Variants in NAV1 observed in about 807,000 individuals in gnomAD.
NAV1 encodes the protein neuron navigator 1.
In NAV1, 18 loss-of-function variants were observed where a neutral mutation model predicts 175.2. The observed-to-expected ratio is 0.10, with a 90% CI of 0.07 to 0.15. The LOEUF is 0.15. NAV1 is among the 10% of genes least tolerant of loss of function. The probability of loss-of-function intolerance (pLI) is 1.00; values close to 1 mark genes in which losing one functional copy is unlikely to be tolerated. For synonymous variants in NAV1, 897 were observed against 978.7 expected, an observed-to-expected ratio of 0.92 and a Z score of 1.56; for missense variants, 1,731 against 2,436.6, an observed-to-expected ratio of 0.71 and a Z score of 6.10.
chr1:201,810,242 T>TA lies in NAV1; in HGVS notation c.4561+142dup. 7.9e-7 allele frequency: 1 copy of TA among 1,267,174 alleles called. No individual in the cohort carries two copies. Among genetic ancestry groups the TA allele is most frequent in the Non-Finnish European group, 1.1e-6 (1 of 926,676 alleles). 78.5% of individuals were successfully genotyped at this position (1,267,174 alleles called of 1,614,324 possible). The stretch of plus-strand genomic sequence containing the variant: ...GAAGATGCTTAAGTAATGTGAGATA[T>TA]AAAAAGATGAGTAAGACCCAGTCCT... On this transcript the variant is annotated intron_variant, in intron 23 of 29. Coordinates refer to ENST00000367296, the Ensembl canonical transcript of NAV1. This position sits in a 1 kb window ranked among gnomAD's most constrained non-coding sequence, Gnocchi z 6.0.
At chr1:201,656,352 A>G (rs1465037200) in intron 1 of NAV1, among the ~76,000 whole-genome samples, 1 of 152,212 alleles carries the variant, frequency 6.6e-6, no homozygotes, top group Admixed American at 6.5e-5. Flanking sequence ...AAGCCCCAGT[A>G]TGCTGTGTGT....
intron 1 of NAV1, among the ~76,000 whole-genome samples, chr1:201,663,452 A>C (rs1669692995): frequency 6.6e-6 from 1 of 152,218 alleles, no homozygotes; most frequent in Non-Finnish European, 1.5e-5. Context: ...ATGAAGATTC[A>C]GGCCTGACCT....
At chr1:201,798,209 G>GTAT (rs1022002311) in intron 15 of NAV1, 1 of 152,082 alleles carries the variant, frequency 6.6e-6, no homozygotes, top group Non-Finnish European at 1.5e-5. Context: ...TCCCTCTTCT[G>GTAT]TATTGTCACT....
At chr1:201,617,245 T>C (rs879047881) in intron 2 of NAV1, among the ~76,000 whole-genome samples, 1 of 151,166 alleles carries the variant, frequency 6.6e-6, no homozygotes, top group Admixed American at 6.6e-5. Flanking sequence ...TCTCTCTGTC[T>C]GTCACACACA....
intron 2 of NAV1, among the ~76,000 whole-genome samples, chr1:201,630,190 C>T (rs192810721): frequency 2.6e-4 from 39 of 152,262 alleles, no homozygotes; most frequent in Non-Finnish European, 4.4e-4. Context: ...GCAGCACTTA[C>T]GGACGTGTGC....
intron 1 of NAV1, among the ~76,000 whole-genome samples, chr1:201,706,248 A>C (rs975254539): frequency 3.0e-5 from 4 of 131,706 alleles, no homozygotes; most frequent in African/African-American, 1.2e-4. Context: ...GGAGTTATTA[A>C]GAAGGGGTGT....
intron 13 of NAV1, 152 bp from the exon 18 acceptor site, chr1:201,793,640 G>T (rs778107645): frequency 6.0e-6 from 4 of 662,382 alleles, no homozygotes; most frequent in Non-Finnish European, 1.0e-5. Flanking sequence ...TGTCTGCTCA[G>T]GAAAATCAAT....
At position 201,788,686 on chromosome 1, in the gene NAV1, G is replaced by A. The variant is rs1241965060; in HGVS notation, c.3166+48G>A. On this transcript the variant is annotated intron_variant, in intron 10 of 29. Transcript: ENST00000367296. This position sits in a 1 kb window ranked among gnomAD's most constrained non-coding sequence, Gnocchi z 5.7. The stretch of plus-strand genomic sequence containing the variant: ...TTCACGCTCATTCCAGCTCTGCTGG[G>A]TCCCCTCACCCACCACCTCCACTCC... The A allele has an allele frequency of 2.0e-6, 3 of 1,538,048 alleles. No individual in the cohort carries two copies. Among genetic ancestry groups the A allele is most frequent in the South Asian group, 1.2e-5 (1 of 81,782 alleles).
chr1:201,773,628 G>A (rs633367), intron 3 of NAV1, among the ~76,000 whole-genome samples: 74,375 of 151,980 alleles, frequency 0.49, 18,871 homozygotes, highest in African/African-American at 0.63. Context: ...AGGAGGGGGA[G>A]GAAAAAGGAG....
chr1:201,549,596 A>G (rs556073811), intron 1 of NAV1, among the ~76,000 whole-genome samples: 2 of 151,910 alleles, frequency 1.3e-5, no homozygotes, highest in African/African-American at 4.8e-5. Context: ...AATAATATTT[A>G]TGTAGTCATG....
intron 1 of NAV1, among the ~76,000 whole-genome samples, chr1:201,577,425 A>G (rs990464372): frequency 4.0e-5 from 6 of 151,454 alleles, no homozygotes; most frequent in Non-Finnish European, 8.8e-5. Flanking sequence ...TCGCATTTAA[A>G]CACACAATCC....
At chr1:201,588,461 C>T (rs190208960) in intron 1 of NAV1, among the ~76,000 whole-genome samples, 78 bp from the exon 2 acceptor site, 66 of 152,152 alleles carry the variant, frequency 4.3e-4, no homozygotes, top group African/African-American at 1.6e-3. Context: ...GATCCTCCCA[C>T]CTCAGCTTCC....
chr1:201,560,575 A>G (rs1666168359), intron 1 of NAV1, among the ~76,000 whole-genome samples: 1 of 152,218 alleles, frequency 6.6e-6, no homozygotes, highest in Non-Finnish European at 1.5e-5. Flanking sequence ...GGAATTGGCA[A>G]TGGACCCTAG....
chr1:201,629,583 T>A, intron 2 of NAV1, 76 bp downstream of exon 4: 2 of 967,606 alleles, frequency 2.1e-6, no homozygotes, highest in Non-Finnish European at 2.8e-6. Context: ...GAAGAAGAAG[T>A]GACCTAGGCT....
intron 1 of NAV1, among the ~76,000 whole-genome samples, chr1:201,660,712 A>G (rs1374683955): frequency 6.6e-6 from 1 of 152,246 alleles, no homozygotes; most frequent in Non-Finnish European, 1.5e-5. Flanking sequence ...CAGCTGTGCT[A>G]GCGCTTTGTT....
exon 30 of NAV1, chr1:201,826,672 C>CTA (rs974584786): frequency 9.2e-5 from 14 of 152,232 alleles, no homozygotes; most frequent in African/African-American, 3.4e-4. Context: ...CTCTTTCAAC[C>CTA]TACCCCCTTT....
In NAV1 at chr1:201,794,453, ATT is replaced by A. The variant is rs1260194978; in HGVS notation, c.3406-11_3406-10del. The A allele has an allele frequency of 1.2e-6, 2 of 1,608,944 alleles. No homozygotes were observed. Among genetic ancestry groups the A allele is most frequent in the Non-Finnish European group, 1.7e-6 (2 of 1,178,114 alleles). ...ACCGTGCCCAGCCAACGCTATTTTC[ATT>A]TCTCTCTTAGGACACTGAGCTGCTG... is the stretch of plus-strand genomic sequence containing the variant. On this transcript the variant is annotated splice_polypyrimidine_tract_variant and intron_variant, in intron 14 of 29. Transcript: ENST00000367296.
intron 1 of NAV1, among the ~76,000 whole-genome samples, chr1:201,695,430 T>C (rs1671149727): frequency 6.6e-6 from 1 of 152,220 alleles, no homozygotes; most frequent in Admixed American, 6.5e-5. Context: ...CCATGCTGGG[T>C]TCTTCCCAGA....
chr1:201,680,735 G>A (rs538826358), intron 1 of NAV1, among the ~76,000 whole-genome samples: 5 of 152,150 alleles, frequency 3.3e-5, no homozygotes, highest in Admixed American at 2.6e-4. Flanking sequence ...TTTTTATTTT[G>A]TTGCTCAAAT....
Sources: allele counts gnomAD v4.1 joint callset (sites outside exome capture counted in the v4.1 genomes callset), GRCh38; gene constraint gnomAD v4.1.1; non-coding constraint Gnocchi (gnomAD v3.1); transcripts MANE v1.5; gene names NCBI Gene and HGNC (gene_info 2026-07-23, HGNC 2026-07-21).